Variants in GNG2 observed in about 807,000 individuals in gnomAD.
The protein encoded by GNG2 is G protein subunit gamma 2.
GNG2 carries 5 observed loss-of-function variants against 5.5 expected under a neutral mutation model. That is an observed-to-expected ratio of 0.91 (90% confidence interval 0.48 to 1.92). The LOEUF (loss-of-function observed/expected upper bound fraction) is 1.92, where lower values mean the gene tolerates loss of function less well. Among genes scored for constraint, GNG2 ranks in the 30% most tolerant of loss-of-function variants. GNG2 has a pLI of 0.01. For synonymous variants in GNG2, 28 were observed against 32.0 expected (o/e 0.88, Z 0.42); for missense variants, 55 against 88.4 (o/e 0.62, Z 1.52).
chr14:51,888,093 C>T (rs1327013576), intron 2 of GNG2, among the ~76,000 whole-genome samples: 1 of 152,140 alleles, frequency 6.6e-6, no homozygotes, highest in East Asian at 1.9e-4. Context: ...TCATCACCAA[C>T]AAGATAATGA....
At chr14:51,960,056 A>G (rs1889502111) in intron 3 of GNG2, among the ~76,000 whole-genome samples, 1 of 152,004 alleles carries the variant, frequency 6.6e-6, no homozygotes, top group Non-Finnish European at 1.5e-5. Flanking sequence ...CAGCCATTAT[A>G]TCTTCAAATA....
intron 2 of GNG2, among the ~76,000 whole-genome samples, chr14:51,936,361 G>A (rs572226710): frequency 2.6e-5 from 4 of 152,124 alleles, no homozygotes; most frequent in South Asian, 2.1e-4. Flanking sequence ...CCTGGGGACC[G>A]GTCTCAAAAA....
chr14:51,866,438 A>C (rs1885880503), intron 1 of GNG2, among the ~76,000 whole-genome samples: 1 of 152,214 alleles, frequency 6.6e-6, no homozygotes, highest in South Asian at 2.1e-4. Context: ...CTTTCTGAGA[A>C]GGCACATATT....
intron 2 of GNG2, among the ~76,000 whole-genome samples, chr14:51,950,340 C>T (rs776733023): frequency 7.9e-5 from 12 of 152,176 alleles, no homozygotes; most frequent in African/African-American, 1.9e-4. Context: ...TAGTATAATA[C>T]GCTGAGGTGG....
chr14:51,856,350 T>A (rs116794159), upstream of GNG2, among the ~76,000 whole-genome samples: 1,237 of 152,176 alleles, frequency 8.1e-3, 11 homozygotes, highest in African/African-American at 0.028. Context: ...ATGTGAGAAG[T>A]GTTTCTAGCT....
At chr14:51,904,094 A>G (rs1487499817) in intron 2 of GNG2, among the ~76,000 whole-genome samples, 1 of 152,156 alleles carries the variant, frequency 6.6e-6, no homozygotes, top group African/African-American at 2.4e-5. Flanking sequence ...AAATCACACC[A>G]CAGAGCTGAT....
intron 2 of GNG2, among the ~76,000 whole-genome samples, chr14:51,895,054 AC>A (rs566403943): frequency 3.3e-5 from 5 of 152,044 alleles, no homozygotes; most frequent in South Asian, 2.1e-4. Context: ...GAAAAAAAAA[AC>A]AATGAACTTT....
At chr14:51,872,004 G>A (rs905533696) in intron 1 of GNG2, among the ~76,000 whole-genome samples, 7 of 152,364 alleles carry the variant, frequency 4.6e-5, no homozygotes, top group Non-Finnish European at 8.8e-5. Flanking sequence ...CTTCCTGGAA[G>A]AAGCCATAAG....
chr14:51,837,641 C>G (rs113470259), intron 2 of GNG2, among the ~76,000 whole-genome samples: 1 of 124,002 alleles, frequency 8.1e-6, no homozygotes, highest in Admixed American at 8.1e-5. Flanking sequence ...GGTGAGACTC[C>G]GTTTCAAAAA....
At chr14:51,938,914 G>A (rs55829661) in intron 2 of GNG2, among the ~76,000 whole-genome samples, 2,752 of 152,282 alleles carry the variant, frequency 0.018, 96 homozygotes, top group African/African-American at 0.062. Context: ...TGAGTGGTTC[G>A]TTTTAATAAA....
intron 2 of GNG2, among the ~76,000 whole-genome samples, chr14:51,853,228 G>T (rs984589897): frequency 1.3e-5 from 2 of 152,158 alleles, no homozygotes; most frequent in African/African-American, 4.8e-5. Context: ...CTGAGTGCAC[G>T]CAATGTACAA....
chr14:51,878,384 A>G (rs1883819869), intron 2 of GNG2, among the ~76,000 whole-genome samples: 1 of 152,154 alleles, frequency 6.6e-6, no homozygotes, highest in African/African-American at 2.4e-5. Flanking sequence ...CCCATCACCC[A>G]ATTTCAATGG....
chr14:51,925,461 C>T (rs902977320), intron 2 of GNG2, among the ~76,000 whole-genome samples: 4 of 152,206 alleles, frequency 2.6e-5, no homozygotes, highest in Admixed American at 1.3e-4. Flanking sequence ...CTCTTCCCAA[C>T]CCATGGTATA....
chr14:51,850,959 A>G (rs1485413331), intron 2 of GNG2, among the ~76,000 whole-genome samples: 1 of 152,202 alleles, frequency 6.6e-6, no homozygotes, highest in African/African-American at 2.4e-5. Context: ...ACTGGGAATT[A>G]CAGTTCAACA....
chr14:51,879,072 C>T (rs1461820884), intron 2 of GNG2, among the ~76,000 whole-genome samples: 2 of 152,210 alleles, frequency 1.3e-5, no homozygotes, highest in Non-Finnish European at 2.9e-5. Context: ...ATCCAGAGCA[C>T]TCTAGGGAGA....
chr14:51,834,734 T>A (rs1353756940), intron 2 of GNG2, among the ~76,000 whole-genome samples: 1 of 152,182 alleles, frequency 6.6e-6, no homozygotes, highest in African/African-American at 2.4e-5. Context: ...TGGGAACACA[T>A]CTAGCGCTAT....
chr14:51,912,283 A>G (rs1270874237), intron 2 of GNG2, among the ~76,000 whole-genome samples: 2 of 152,188 alleles, frequency 1.3e-5, no homozygotes, highest in South Asian at 2.1e-4. Context: ...CAGAAAAGGA[A>G]GAGAGCACTA....
chr14:51,852,486 C>T (rs1278569576), intron 2 of GNG2, among the ~76,000 whole-genome samples: 1 of 152,116 alleles, frequency 6.6e-6, no homozygotes, highest in Non-Finnish European at 1.5e-5. Context: ...GGTAAATGTG[C>T]AATGATAATA....
At position 51,929,413 on chromosome 14, in the gene GNG2, A is replaced by T. The variant is rs150867992; in HGVS notation, c.-29-21237A>T. On this transcript the variant is annotated intron_variant, in intron 2 of 3. Transcript: ENST00000556766. Reference sequence around the variant, plus strand: ...GAATGCGAGGATGCTGAGAATCAAGAGGCACTAAGCAGCCTTTCAGGACAC... The same window carrying T: ...GAATGCGAGGATGCTGAGAATCAAGTGGCACTAAGCAGCCTTTCAGGACAC... Among the ~76,000 whole-genome samples the T allele has an allele frequency of 3.3e-5, 5 of 152,338 alleles. No individual in the cohort carries two copies. The East Asian group carries it at 9.6e-4, about 29-fold the overall frequency.
Sources: gnomAD v4.1 joint callset for allele counts (sites outside exome capture counted in the v4.1 genomes callset) on GRCh38, gnomAD v4.1.1 for gene constraint, MANE v1.5 for transcripts, NCBI Gene and HGNC (gene_info 2026-07-23, HGNC 2026-07-21) for gene names.